The following SPATA6 variants were observed in gnomAD, a reference collection of about 807,000 sequenced individuals.
SPATA6 encodes the protein spermatogenesis-associated protein 6.
SPATA6 carries 56 observed loss-of-function variants against 65.3 expected under a neutral mutation model. That is an observed-to-expected ratio of 0.86 (90% CI 0.69 to 1.07). The LOEUF is 1.07. SPATA6 is among the 50% of genes least tolerant of loss of function. The pLI is 0.00. For missense variants in SPATA6, 590 were observed against 594.8 expected, an observed-to-expected ratio of 0.99 and a Z score of 0.08; for synonymous variants, 199 against 213.2, an observed-to-expected ratio of 0.93 and a Z score of 0.58.
intron 7 of SPATA6, among the ~76,000 whole-genome samples, chr1:48,397,726 C>A (rs144713240): frequency 6.6e-6 from 1 of 151,598 alleles, no homozygotes; most frequent in Non-Finnish European, 1.5e-5. Context: ...CAAACACAAT[C>A]GGAAAATCCA....
At chr1:48,278,873 T>C in the SPATA6 span, among the ~76,000 whole-genome samples, 2 of 152,062 alleles carry the variant, frequency 1.3e-5, no homozygotes, top group African/African-American at 2.4e-5. Flanking sequence ...CCAAGACACA[T>C]AATTGTCAGA....
intron 3 of SPATA6, among the ~76,000 whole-genome samples, chr1:48,430,893 C>T (rs1570552751): frequency 6.6e-6 from 1 of 152,058 alleles, no homozygotes; most frequent in African/African-American, 2.4e-5. Context: ...ATATAGAAAA[C>T]CAATAGCAAA....
intron 3 of SPATA6, among the ~76,000 whole-genome samples, chr1:48,449,798 G>A (rs1656397397): frequency 6.6e-6 from 1 of 152,134 alleles, no homozygotes; most frequent in Non-Finnish European, 1.5e-5. Flanking sequence ...TGGTGGTTCT[G>A]TATTTTTTAA....
intron 2 of SPATA6, among the ~76,000 whole-genome samples, 179 bp downstream of exon 2, chr1:48,452,815 T>A (rs1406658438): frequency 6.6e-6 from 1 of 152,238 alleles, no homozygotes; most frequent in East Asian, 1.9e-4. Context: ...AAAAGGCAAC[T>A]GATTCAATGC....
At chr1:48,441,184 C>A (rs1655430979) in intron 3 of SPATA6, among the ~76,000 whole-genome samples, 1 of 152,224 alleles carries the variant, frequency 6.6e-6, no homozygotes, top group African/African-American at 2.4e-5. Flanking sequence ...AACAACAGGA[C>A]TGAGGGTGCC....
At chr1:48,315,512 A>C (rs1214861316) in intron 11 of SPATA6, among the ~76,000 whole-genome samples, 1 of 152,216 alleles carries the variant, frequency 6.6e-6, no homozygotes, top group East Asian at 1.9e-4. Context: ...AAAACTCTCA[A>C]TAAATTAGGT....
intron 9 of SPATA6, among the ~76,000 whole-genome samples, chr1:48,364,109 T>G (rs1570308901): frequency 6.6e-6 from 1 of 152,224 alleles, no homozygotes; most frequent in South Asian, 2.1e-4. Context: ...ATTTCATCCA[T>G]GTCCCTACAA....
At chr1:48,428,176 C>T (rs1285363857) in intron 3 of SPATA6, among the ~76,000 whole-genome samples, 2 of 152,100 alleles carry the variant, frequency 1.3e-5, no homozygotes, top group Non-Finnish European at 2.9e-5. Context: ...AAAAACAGGC[C>T]GGGCACAGTG....
chr1:48,356,576 C>T (rs1290280196), intron 10 of SPATA6, among the ~76,000 whole-genome samples: 9 of 145,990 alleles, frequency 6.2e-5, no homozygotes, highest in African/African-American at 2.1e-4. Flanking sequence ...TGCAATGGCG[C>T]GACCTTGGTT....
chr1:48,443,389 C>T (rs114714333), intron 3 of SPATA6, among the ~76,000 whole-genome samples: 2,720 of 152,250 alleles, frequency 0.018, 91 homozygotes, highest in African/African-American at 0.062. Flanking sequence ...AACTAATATC[C>T]CTACTTATAG....
rs373317083 is a variant in SPATA6 at position 48,359,672 on chromosome 1, C to T, written c.1008G>A (p.Ala336=). 9.3e-6 allele frequency: 15 copies of T among 1,613,610 alleles called. No individual in the cohort carries two copies. The Middle Eastern group carries it at 4.9e-4, about 53-fold the overall frequency. Residue 336 remains alanine, a synonymous_variant, in exon 10 of 13, where the codon GCG becomes GCA. Transcript: ENST00000371847. ...GTGCTGAATGGACTAGCAAGGTCCTCGCTGAATGCCGGGGCTTACTACACG... is the reference window on the plus strand; with the variant it reads ...GTGCTGAATGGACTAGCAAGGTCCTTGCTGAATGCCGGGGCTTACTACACG... The part of the protein sequence containing the change: ...PRSCSKPRHS[A]RTLLVHSAPS...
At chr1:48,405,135 T>C (rs1570467383) in intron 5 of SPATA6, among the ~76,000 whole-genome samples, 1 of 152,210 alleles carries the variant, frequency 6.6e-6, no homozygotes. Context: ...ACTGAACTGA[T>C]GTACTCTCGA....
At chr1:48,468,369 T>C (rs1366616086) in intron 1 of SPATA6, among the ~76,000 whole-genome samples, 1 of 152,242 alleles carries the variant, frequency 6.6e-6, no homozygotes, top group East Asian at 1.9e-4. Context: ...GTTCTATCAG[T>C]AGTACCTTTG....
intron 11 of SPATA6, among the ~76,000 whole-genome samples, chr1:48,306,281 T>A (rs762298435): frequency 5.9e-5 from 9 of 151,924 alleles, no homozygotes; most frequent in Non-Finnish European, 1.0e-4. Flanking sequence ...CATTCTAACA[T>A]GCACCTATGA....
At chr1:48,337,658 G>A (rs986304217) in intron 11 of SPATA6, among the ~76,000 whole-genome samples, 5 of 151,830 alleles carry the variant, frequency 3.3e-5, no homozygotes, top group Admixed American at 6.6e-5. Context: ...ATGTAGGTAG[G>A]TCAGTGGATT....
the SPATA6 span, among the ~76,000 whole-genome samples, chr1:48,271,206 C>A: frequency 5.9e-5 from 9 of 152,054 alleles, no homozygotes; most frequent in African/African-American, 2.2e-4. Flanking sequence ...ATACTTATCA[C>A]CCCTTGCAGT....
chr1:48,313,278 T>C (rs1170433127), intron 11 of SPATA6, among the ~76,000 whole-genome samples: 1 of 152,148 alleles, frequency 6.6e-6, no homozygotes. Context: ...GCAAAAATGT[T>C]AAGGGCAGCC....
chr1:48,268,055 C>A, the SPATA6 span, among the ~76,000 whole-genome samples: 1 of 151,564 alleles, frequency 6.6e-6, no homozygotes, highest in Non-Finnish European at 1.5e-5. Flanking sequence ...CCGGCCAGGT[C>A]TCAGGGTTTT....
At chr1:48,278,465 C>A in the SPATA6 span, among the ~76,000 whole-genome samples, 1 of 152,096 alleles carries the variant, frequency 6.6e-6, no homozygotes, top group Admixed American at 6.6e-5. Context: ...AACTAGAATA[C>A]CCAATACAGA....
Sources: allele counts gnomAD v4.1 joint callset (sites outside exome capture counted in the v4.1 genomes callset), GRCh38; gene constraint gnomAD v4.1.1; transcripts MANE v1.5; gene names NCBI Gene and HGNC (gene_info 2026-07-23, HGNC 2026-07-21).